Variants in SPP2 observed in about 807,000 individuals in gnomAD.
The protein encoded by SPP2 is secreted phosphoprotein 2, also known as secreted phosphoprotein 24.
In SPP2, 34 loss-of-function variants were observed where a neutral mutation model predicts 28.8. The observed-to-expected ratio is 1.18, with a 90% CI of 0.90 to 1.57. SPP2 has a LOEUF of 1.57. SPP2 is among the 40% of genes most tolerant of loss of function. The pLI is 0.00. For synonymous variants in SPP2, 96 were observed against 89.4 expected (o/e 1.07, Z -0.42); for missense variants, 269 against 263.9 (o/e 1.02, Z -0.13).
chr2:234,052,873 A>G (rs1200304581), intron 2 of SPP2, among the ~76,000 whole-genome samples: 1 of 152,118 alleles, frequency 6.6e-6, no homozygotes, highest in African/African-American at 2.4e-5. Context: ...GGAGTGTTTC[A>G]TATTTTGATT....
chr2:234,054,454 C>G (rs1693566035), intron 2 of SPP2, among the ~76,000 whole-genome samples: 1 of 152,094 alleles, frequency 6.6e-6, no homozygotes, highest in African/African-American at 2.4e-5. Context: ...ATAAAAAACA[C>G]CAATTTATTT....
At chr2:234,066,705 C>A in intron 5 of SPP2, 118 bp downstream of exon 5, 1 of 770,314 alleles carries the variant, frequency 1.3e-6, no homozygotes, top group Non-Finnish European at 2.1e-6. Context: ...GCAACAATTA[C>A]AGCCATAGAA....
intron 5 of SPP2, 111 bp downstream of exon 5, chr2:234,066,698 AC>A (rs1249593507): frequency 1.2e-6 from 1 of 812,098 alleles, no homozygotes; most frequent in African/African-American, 1.7e-5. Flanking sequence ...TAATCTTGCA[AC>A]AATTACAGCC....
intron 7 of SPP2, among the ~76,000 whole-genome samples, chr2:234,076,413 C>T (rs1462757509): frequency 1.3e-5 from 2 of 152,112 alleles, no homozygotes; most frequent in East Asian, 1.9e-4. Flanking sequence ...TGCACATAGG[C>T]GTCTCTGGAA....
Position 234,073,260 on chromosome 2 carries a change from A to G in SPP2, c.*10+3237A>G, listed in dbSNP as rs367605092. Among the ~76,000 whole-genome samples the G allele has an allele frequency of 3.1e-4, 47 of 152,380 alleles. No individual in the cohort carries two copies. In the East Asian group the frequency reaches 8.1e-3, roughly 26 times the overall value. ...TTTACAACATGTAAAAATATTATTA[A>G]TGATATGTCTATACAAAATTATTAA... is the stretch of plus-strand genomic sequence containing the variant. On this transcript the variant is annotated intron_variant, in intron 7 of 7. Coordinates refer to ENST00000168148, the MANE Select transcript of SPP2 (RefSeq NM_006944.3).
At chr2:234,054,597 T>A (rs1350700932) in intron 2 of SPP2, among the ~76,000 whole-genome samples, 1 of 152,156 alleles carries the variant, frequency 6.6e-6, no homozygotes, top group Non-Finnish European at 1.5e-5. Context: ...GCTAGCTGAC[T>A]CTCCAGCCTC....
At chr2:234,065,253 T>C (rs947992767) in intron 4 of SPP2, among the ~76,000 whole-genome samples, 4 of 152,164 alleles carry the variant, frequency 2.6e-5, no homozygotes, top group African/African-American at 9.7e-5. Flanking sequence ...TTAGCCATTC[T>C]AGTGAGTGTG....
At chr2:234,068,657 C>T (rs772433074) in intron 6 of SPP2, among the ~76,000 whole-genome samples, 2 of 147,934 alleles carry the variant, frequency 1.4e-5, no homozygotes, top group South Asian at 2.1e-4. Flanking sequence ...ACTGCTGAAA[C>T]GTTTTTATGA....
chr2:234,058,801 C>T, intron 2 of SPP2, 35 bp from the exon 3 acceptor site: 1 of 1,597,110 alleles, frequency 6.3e-7, no homozygotes, highest in Non-Finnish European at 8.5e-7. Flanking sequence ...TTCAGAAATG[C>T]ATTGATCACA....
At chr2:234,072,436 G>A (rs1248523360) in intron 7 of SPP2, among the ~76,000 whole-genome samples, 1 of 152,042 alleles carries the variant, frequency 6.6e-6, no homozygotes, top group African/African-American at 2.4e-5. Context: ...TGGGCAGGGA[G>A]AATAGAGTTC....
intron 4 of SPP2, among the ~76,000 whole-genome samples, chr2:234,060,743 A>ACACG (rs961484822): frequency 1.4e-5 from 2 of 144,634 alleles, no homozygotes; most frequent in Non-Finnish European, 3.0e-5. Flanking sequence ...GCACACACAC[A>ACACG]CACGCACACA....
chr2:234,073,520 T>G (rs1261643777), intron 7 of SPP2, among the ~76,000 whole-genome samples: 2 of 152,298 alleles, frequency 1.3e-5, no homozygotes, highest in East Asian at 3.9e-4. Context: ...AGAAAATGAT[T>G]TAATATATGA....
chr2:234,060,252 T>A, intron 3 of SPP2, 117 bp from the exon 4 acceptor site: 1 of 699,302 alleles, frequency 1.4e-6, no homozygotes, highest in Non-Finnish European at 2.5e-6. Context: ...AATGCCTCTG[T>A]GAAGTTTTTC....
rs1693695206 is a variant in SPP2 at position 234,060,420 on chromosome 2, G to T, written c.385G>T (p.Gly129Cys). The change falls in exon 4 of 8, where the codon GGC becomes TGC. Residue 129 changes from glycine to cysteine, a missense_variant. Coordinates refer to ENST00000168148, the MANE Select transcript of SPP2 (RefSeq NM_006944.3). ...TVKVSAQQVQGVHARCSWSSS... is the reference protein window; with the variant it reads ...TVKVSAQQVQCVHARCSWSSS... ...GAAGGTATCTGCCCAGCAGGTGCAG[G>T]GCGTGCATGCTCGCTGCAGCTGGTC... is the stretch of plus-strand genomic sequence containing the variant. The T allele has an allele frequency of 6.2e-7, 1 of 1,613,654 alleles. No homozygotes were observed. Among genetic ancestry groups the T allele is most frequent in the Admixed American group, 1.7e-5 (1 of 59,934 alleles).
intron 2 of SPP2, among the ~76,000 whole-genome samples, chr2:234,052,543 C>A (rs993473230): frequency 2.6e-5 from 4 of 152,200 alleles, no homozygotes; most frequent in Admixed American, 1.3e-4. Flanking sequence ...GCCACCAGAG[C>A]GTGTTCTGGC....
intron 6 of SPP2, 86 bp downstream of exon 6, chr2:234,067,360 T>C (rs1693843245): frequency 5.7e-6 from 7 of 1,227,428 alleles, no homozygotes; most frequent in Non-Finnish European, 8.3e-6. Flanking sequence ...AGCTGTTTCC[T>C]GTTTCATAGG....
intron 4 of SPP2, among the ~76,000 whole-genome samples, chr2:234,061,851 G>A (rs183325425): frequency 2.5e-3 from 377 of 152,266 alleles, no homozygotes; most frequent in Non-Finnish European, 4.6e-3. Flanking sequence ...GGCAACTTTC[G>A]AAGGTCAACC....
chr2:234,064,110 T>TCCCCTCCCCTCTG (rs1479396938), intron 4 of SPP2, among the ~76,000 whole-genome samples: 2 of 151,266 alleles, frequency 1.3e-5, no homozygotes, highest in East Asian at 1.9e-4. Context: ...TCTCCTGGCC[T>TCCCCTCCCCTCTG]CCCCTCCCCT....
chr2:234,058,778 T>C (rs1432064561), intron 2 of SPP2, 58 bp from the exon 3 acceptor site: 1 of 1,561,468 alleles, frequency 6.4e-7, no homozygotes, highest in East Asian at 2.3e-5. Context: ...CAATGATTTA[T>C]AGCATCATAA....
Sources: gnomAD v4.1 joint callset for allele counts (sites outside exome capture counted in the v4.1 genomes callset) on GRCh38, gnomAD v4.1.1 for gene constraint, MANE v1.5 for transcripts, NCBI Gene and HGNC (gene_info 2026-07-23, HGNC 2026-07-21) for gene names.